The following GABRG3 variants were observed in gnomAD, a reference collection of about 807,000 sequenced individuals.
GABRG3 encodes gamma-aminobutyric acid type A receptor subunit gamma3, also known as gamma-aminobutyric acid receptor subunit gamma-3.
In GABRG3, 25 loss-of-function variants were observed where a neutral mutation model predicts 48.8. That is an observed-to-expected ratio of 0.51 (90% CI 0.37 to 0.72). GABRG3 has a LOEUF of 0.72. Ranked by LOEUF, GABRG3 falls within the 30% of genes least tolerant of loss-of-function variation. The probability of loss-of-function intolerance (pLI) is 0.00; values close to 1 mark genes in which losing one functional copy is unlikely to be tolerated. For synonymous variants in GABRG3, 227 were observed against 217.6 expected, an observed-to-expected ratio of 1.04 and a Z score of -0.38; for missense variants, 394 against 577.9, an observed-to-expected ratio of 0.68 and a Z score of 3.26.
chr15:27,145,414 C>T (rs1440359282), intron 3 of GABRG3, among the ~76,000 whole-genome samples: 1 of 151,934 alleles, frequency 6.6e-6, no homozygotes, highest in Non-Finnish European at 1.5e-5. Context: ...GTGAAAAATT[C>T]ACTAAAGGTA....
At chr15:26,979,939 A>G (rs79017879) in intron 2 of GABRG3, among the ~76,000 whole-genome samples, 2,918 of 152,270 alleles carry the variant, frequency 0.019, 111 homozygotes, top group African/African-American at 0.067. Flanking sequence ...TAAATGTTTG[A>G]TAGAATTCTC....
chr15:26,996,361 A>C (rs1359078684), intron 2 of GABRG3, among the ~76,000 whole-genome samples: 1 of 152,008 alleles, frequency 6.6e-6, no homozygotes, highest in Non-Finnish European at 1.5e-5. Flanking sequence ...TTTACTTTTC[A>C]GAGATAGTCT....
chr15:27,061,197 G>A (rs1896637822), intron 3 of GABRG3, among the ~76,000 whole-genome samples: 1 of 152,232 alleles, frequency 6.6e-6, no homozygotes. Flanking sequence ...TTGGTTGAGA[G>A]TTTATTGTGT....
At chr15:27,292,947 TTAA>T (rs901060618) in intron 3 of GABRG3, among the ~76,000 whole-genome samples, 1 of 152,208 alleles carries the variant, frequency 6.6e-6, no homozygotes, top group African/African-American at 2.4e-5. Context: ...ATATTAGTCA[TTAA>T]TAATATTACA....
chr15:26,983,597 C>T (rs1367070661), intron 2 of GABRG3, among the ~76,000 whole-genome samples: 3 of 151,978 alleles, frequency 2.0e-5, no homozygotes, highest in Non-Finnish European at 4.4e-5. Context: ...CATAAGAGAC[C>T]TTGTTTCTAC....
intron 2 of GABRG3, among the ~76,000 whole-genome samples, chr15:26,983,072 T>C (rs1017623664): frequency 1.3e-5 from 2 of 152,084 alleles, no homozygotes; most frequent in Admixed American, 6.5e-5. Context: ...TTAGAAACCA[T>C]TTTCTTTCAT....
intron 3 of GABRG3, chr15:27,208,616 C>T (rs373294051): frequency 2.7e-3 from 433 of 160,334 alleles, no homozygotes; most frequent in Middle Eastern, 5.0e-3. Context: ...TTCCATGGAG[C>T]GTTTGAAAGG....
intron 3 of GABRG3, among the ~76,000 whole-genome samples, chr15:27,296,622 T>C (rs546768743): frequency 6.6e-6 from 1 of 152,284 alleles, no homozygotes; most frequent in East Asian, 1.9e-4. Flanking sequence ...GAAAAATTCC[T>C]ATCGCCTAGT....
chr15:27,500,188 G>C (rs547104993), intron 6 of GABRG3, among the ~76,000 whole-genome samples: 7 of 152,250 alleles, frequency 4.6e-5, no homozygotes, highest in African/African-American at 1.7e-4. Context: ...TGAACTGAAG[G>C]GCAGGGAAGA....
intron 3 of GABRG3, among the ~76,000 whole-genome samples, chr15:27,130,540 A>G (rs1365337942): frequency 2.0e-5 from 3 of 152,132 alleles, no homozygotes; most frequent in Non-Finnish European, 2.9e-5. Flanking sequence ...TTGAATTTCT[A>G]TATTAATTCT....
At chr15:27,479,504 A>G (rs1311131253) in intron 5 of GABRG3, among the ~76,000 whole-genome samples, 1 of 152,238 alleles carries the variant, frequency 6.6e-6, no homozygotes, top group Non-Finnish European at 1.5e-5. Flanking sequence ...TGTCAGGCAG[A>G]GAGGGAAAAA....
intron 5 of GABRG3, among the ~76,000 whole-genome samples, chr15:27,336,904 T>G (rs561933843): frequency 6.6e-6 from 1 of 152,274 alleles, no homozygotes; most frequent in African/African-American, 2.4e-5. Context: ...AGAATGCCAG[T>G]CTCCAAAGGT....
chr15:27,267,385 G>A (rs139488125), intron 3 of GABRG3, among the ~76,000 whole-genome samples: 172 of 151,838 alleles, frequency 1.1e-3, no homozygotes, highest in African/African-American at 4.0e-3. Context: ...GGGATTACAG[G>A]CATGAGCCAC....
chr15:27,298,094 A>T (rs1219056927), intron 3 of GABRG3, among the ~76,000 whole-genome samples: 1 of 152,160 alleles, frequency 6.6e-6, no homozygotes, highest in East Asian at 1.9e-4. Flanking sequence ...TGTAAAAAGC[A>T]AATGGTAGAT....
chr15:27,266,507 C>G (rs1439216660), intron 3 of GABRG3, among the ~76,000 whole-genome samples: 2 of 152,152 alleles, frequency 1.3e-5, no homozygotes, highest in Non-Finnish European at 2.9e-5. Flanking sequence ...TTCAAAGTTA[C>G]TTTGACTGTT....
chr15:27,178,906 G>A (rs947259945), intron 3 of GABRG3, among the ~76,000 whole-genome samples: 4 of 152,148 alleles, frequency 2.6e-5, no homozygotes, highest in Admixed American at 2.6e-4. Context: ...TAGGGCAGAG[G>A]GAGTGGTACG....
chr15:26,980,116 T>C (rs1006009645), intron 2 of GABRG3, among the ~76,000 whole-genome samples: 1 of 152,200 alleles, frequency 6.6e-6, no homozygotes, highest in African/African-American at 2.4e-5. Context: ...TTGTTCATGA[T>C]ATTCCCTCAT....
intron 7 of GABRG3, among the ~76,000 whole-genome samples, chr15:27,525,813 T>C (rs1268309607): frequency 6.6e-6 from 1 of 151,982 alleles, no homozygotes; most frequent in East Asian, 1.9e-4. Context: ...TAGTATTCCC[T>C]GGGGGAGAAC....
chr15:27,161,272 A>T (rs1887177618), intron 3 of GABRG3: 1 of 152,160 alleles, frequency 6.6e-6, no homozygotes, highest in African/African-American at 2.4e-5. Flanking sequence ...TGGTTTCTGG[A>T]AGAAGACAAG....
Sources: gnomAD v4.1 joint callset for allele counts (sites outside exome capture counted in the v4.1 genomes callset) on GRCh38, gnomAD v4.1.1 for gene constraint, MANE v1.5 for transcripts, NCBI Gene and HGNC (gene_info 2026-07-23, HGNC 2026-07-21) for gene names.